The following ZEB1 variants were observed in gnomAD, a reference collection of about 807,000 sequenced individuals.
ZEB1 encodes the protein zinc finger E-box-binding homeobox 1.
In ZEB1, 21 loss-of-function variants were observed where a neutral mutation model predicts 84.9. The observed-to-expected ratio is 0.25, with a 90% CI of 0.18 to 0.36. The LOEUF is 0.36. ZEB1 is among the 10% of genes least tolerant of loss of function. The pLI is 1.00. For synonymous variants in ZEB1, 420 were observed against 471.1 expected, an observed-to-expected ratio of 0.89 and a Z score of 1.41; for missense variants, 1,104 against 1,330.2, an observed-to-expected ratio of 0.83 and a Z score of 2.65.
chr10:31,459,877 GTGTGTA>G, intron 1 of ZEB1, among the ~76,000 whole-genome samples: 1 of 138,572 alleles, frequency 7.2e-6, no homozygotes, highest in Non-Finnish European at 1.5e-5. Flanking sequence ...GTGTGTGTGT[GTGTGTA>G]GAGGGATATG....
chr10:31,391,000 C>A (rs1372545636), intron 1 of ZEB1, among the ~76,000 whole-genome samples: 2 of 152,098 alleles, frequency 1.3e-5, no homozygotes, highest in African/African-American at 4.8e-5. Flanking sequence ...CCACCTCTCT[C>A]CAGAGAATAC....
chr10:31,440,997 A>G (rs898136452), intron 1 of ZEB1, among the ~76,000 whole-genome samples: 1 of 152,176 alleles, frequency 6.6e-6, no homozygotes, highest in Non-Finnish European at 1.5e-5. Flanking sequence ...TAATTTATAG[A>G]TTCAATGCCA....
chr10:31,429,638 TTAAC>T (rs2057429560), intron 1 of ZEB1, among the ~76,000 whole-genome samples: 2 of 150,760 alleles, frequency 1.3e-5, no homozygotes, highest in South Asian at 4.2e-4. Flanking sequence ...TGACACAAGT[TTAAC>T]TATGTAACAA....
Position 31,409,049 on chromosome 10 carries a change from GA to G in ZEB1, c.59-51981del, listed in dbSNP as rs1438408071. ...ACAATGAACTCAAATAAATTTACAA[GA>G]AAAAAACATACAACCCCATCAAAAA... On this transcript the variant is annotated intron_variant, in intron 1 of 8. Coordinates refer to ENST00000424869, the MANE Select transcript of ZEB1 (RefSeq NM_001174096.2). Among the ~76,000 whole-genome samples the G allele has an allele frequency of 3.9e-5, 6 of 152,124 alleles. 1 individual carries two copies. Among genetic ancestry groups the G allele is most frequent in the Admixed American group, 2.0e-4 (3 of 15,278 alleles).
At chr10:31,478,016 CTTAA>C (rs1404009136) in intron 2 of ZEB1, among the ~76,000 whole-genome samples, 1 of 151,810 alleles carries the variant, frequency 6.6e-6, no homozygotes, top group African/African-American at 2.4e-5. Context: ...ACAGGTGGGA[CTTAA>C]TTAAACCAAA....
At chr10:31,361,936 G>A (rs555327069) in intron 1 of ZEB1, among the ~76,000 whole-genome samples, 1 of 150,736 alleles carries the variant, frequency 6.6e-6, no homozygotes, top group Admixed American at 6.6e-5. Context: ...CCGGGCAGAG[G>A]CACTCCTCGC....
rs1053467968 is a variant in ZEB1 at position 31,348,432 on chromosome 10, C to G, written c.58+29140C>G. ...TACAAAAATTAGCCGGGTGTGGTGG[C>G]GGGCTCCTGTAATCCCAGCTACTCA... is the stretch of plus-strand genomic sequence containing the variant. On this transcript the variant is annotated intron_variant, in intron 1 of 8. Coordinates refer to ENST00000424869, the MANE Select transcript of ZEB1 (RefSeq NM_001174096.2). Among the ~76,000 whole-genome samples the G allele has an allele frequency of 4.7e-4, 71 of 152,012 alleles. 1 individual carries two copies. Among genetic ancestry groups the G allele is most frequent in the African/African-American group, 1.5e-3 (61 of 41,496 alleles).
intron 1 of ZEB1, among the ~76,000 whole-genome samples, chr10:31,430,205 A>T (rs1413237450): frequency 1.3e-5 from 2 of 152,198 alleles, no homozygotes; most frequent in African/African-American, 4.8e-5. Flanking sequence ...AAGATTTCGT[A>T]CTAGTTAAGG....
intron 2 of ZEB1, among the ~76,000 whole-genome samples, chr10:31,475,224 A>T (rs1232597828): frequency 6.6e-6 from 1 of 152,114 alleles, no homozygotes; most frequent in Admixed American, 6.5e-5. Flanking sequence ...AAAAGAAAAA[A>T]AAAAACAAAT....
At chr10:31,363,136 G>T (rs1321222768) in intron 1 of ZEB1, 2 of 1,533,826 alleles carry the variant, frequency 1.3e-6, no homozygotes, top group South Asian at 1.2e-5. Flanking sequence ...TCCAAGAGCT[G>T]CAGGATCCTT....
rs141499046 is a variant in ZEB1, at chr10:31,369,141, T to C, written c.58+49849T>C. Among the ~76,000 whole-genome samples, 1,387 of 152,372 alleles carry C rather than the reference T, an allele frequency of 9.1e-3. 13 individuals carry two copies. Among genetic ancestry groups the C allele is most frequent in the African/African-American group, 0.031 (1,298 of 41,578 alleles). On this transcript the variant is annotated intron_variant, in intron 1 of 8. Coordinates refer to ENST00000424869, the MANE Select transcript of ZEB1 (RefSeq NM_001174096.2). ...CATACATTTATGGGGTACAATGTGA[T>C]GTTTTGATATATGTATACAGTGTGA...
chr10:31,407,557 C>T lies in ZEB1; in HGVS notation c.59-53480C>T, dbSNP rs554550969. 1.2e-4 allele frequency among the ~76,000 whole-genome samples: 19 copies of T among 152,004 alleles called. No individual in the cohort carries two copies. The East Asian group carries it at 2.7e-3, about 22-fold the overall frequency. On this transcript the variant is annotated intron_variant, in intron 1 of 8. Coordinates refer to ENST00000424869, the MANE Select transcript of ZEB1 (RefSeq NM_001174096.2). ...TGTGAATAATGCCGCAATAAACATA[C>T]GTGTGCATGTGTCTTTATAGCAGCA...
chr10:31,372,924 G>A lies in ZEB1; in HGVS notation c.58+53632G>A, dbSNP rs138738054. ...TAATATTAGGACTGCTTGAACAGGAGGCAAATCATATTCACGTTATTTTCC... is the reference window on the plus strand; with the variant it reads ...TAATATTAGGACTGCTTGAACAGGAAGCAAATCATATTCACGTTATTTTCC... On this transcript the variant is annotated intron_variant, in intron 1 of 8. Transcript: ENST00000424869. 52 of 817,312 alleles carry A rather than the reference G, an allele frequency of 6.4e-5. No individual in the cohort carries two copies. The African/African-American group carries it at 8.6e-4, about 13-fold the overall frequency. The allele number at this position is 817,312 out of a possible 1,614,324, so 50.6% of individuals were successfully genotyped here.
intron 1 of ZEB1, among the ~76,000 whole-genome samples, chr10:31,351,798 C>T (rs974372169): frequency 3.3e-5 from 5 of 152,258 alleles, no homozygotes; most frequent in African/African-American, 9.6e-5. Flanking sequence ...AAGACTTTTA[C>T]AGTTGTATAA....
At position 31,330,923 on chromosome 10, in the gene ZEB1, C is replaced by T. The variant is rs59677977; in HGVS notation, c.58+11631C>T. 9.3e-3 allele frequency among the ~76,000 whole-genome samples: 1,417 copies of T among 151,830 alleles called. 22 individuals are homozygous for T. The highest frequency in any genetic ancestry group is 0.033 in the African/African-American group (1,358 of 41,442). On this transcript the variant is annotated intron_variant, in intron 1 of 8. Transcript: ENST00000424869. The stretch of plus-strand genomic sequence containing the variant: ...GCCTTATTTTTGTTTTTACAGATCT[C>T]GCTTTTTAATACTCCTTTTAGCTCT...
At chr10:31,434,749 C>T (rs760724593) in intron 1 of ZEB1, among the ~76,000 whole-genome samples, 12 of 151,826 alleles carry the variant, frequency 7.9e-5, no homozygotes, top group Non-Finnish European at 1.2e-4. Flanking sequence ...ACTATTGTAG[C>T]GGAATAAAAA....
intron 1 of ZEB1, among the ~76,000 whole-genome samples, chr10:31,367,669 G>T (rs1420328133): frequency 6.6e-6 from 1 of 152,062 alleles, no homozygotes; most frequent in Admixed American, 6.5e-5. Flanking sequence ...TTTTTTGGTT[G>T]ATAGTTTTTA....
chr10:31,358,737 TAATG>T (rs2042517294), intron 1 of ZEB1: 2 of 152,192 alleles, frequency 1.3e-5, no homozygotes, highest in African/African-American at 4.8e-5. Context: ...AATACTATAA[TAATG>T]CATGATTTTA....
intron 1 of ZEB1, among the ~76,000 whole-genome samples, chr10:31,397,224 G>A (rs2050964237): frequency 6.8e-6 from 1 of 146,688 alleles, no homozygotes; most frequent in Non-Finnish European, 1.5e-5. Context: ...TAGGGTACAT[G>A]TGCACAACAT....
Sources: gnomAD v4.1 joint callset for allele counts (sites outside exome capture counted in the v4.1 genomes callset) on GRCh38, gnomAD v4.1.1 for gene constraint, MANE v1.5 for transcripts, NCBI Gene and HGNC (gene_info 2026-07-23, HGNC 2026-07-21) for gene names.